SASH1: variants seen among roughly 807,000 people sequenced by gnomAD.
The protein encoded by SASH1 is SAM and SH3 domain-containing protein 1.
Under a neutral mutation model 125.2 loss-of-function variants are expected in SASH1, and 44 were observed. The observed-to-expected ratio is 0.35, with a 90% CI of 0.28 to 0.45. The LOEUF is 0.45. SASH1 is among the 20% of genes least tolerant of loss of function. SASH1 has a pLI of 1.00. For synonymous variants in SASH1, 639 were observed against 649.1 expected (o/e 0.98, Z 0.24); for missense variants, 1,426 against 1,614.5 (o/e 0.88, Z 2.00).
chr6:148,484,554 G>GT (rs548327355), intron 7 of SASH1, among the ~76,000 whole-genome samples: 7,301 of 144,870 alleles, frequency 0.05, 531 homozygotes, highest in African/African-American at 0.16. Flanking sequence ...AATTACATGG[G>GT]TTTTTTTTTT....
At chr6:148,258,105 A>C in the SASH1 span, among the ~76,000 whole-genome samples, 1 of 151,604 alleles carries the variant, frequency 6.6e-6, no homozygotes, top group African/African-American at 2.4e-5. Context: ...TTTTTAAGAG[A>C]TGGGGATCTC....
intron 4 of SASH1, among the ~76,000 whole-genome samples, chr6:148,442,553 C>T (rs1776589120): frequency 6.6e-6 from 1 of 151,984 alleles, no homozygotes; most frequent in Non-Finnish European, 1.5e-5. Context: ...CCCCTGCCCC[C>T]CACATACACC....
At chr6:148,433,774 A>G (rs1776162402) in intron 2 of SASH1, among the ~76,000 whole-genome samples, 1 of 152,070 alleles carries the variant, frequency 6.6e-6, no homozygotes, top group South Asian at 2.1e-4. Flanking sequence ...TTTCTTTAAG[A>G]GTTTGTAATG....
chr6:148,325,012 G>A (rs1780758072), intron 1 of SASH1, among the ~76,000 whole-genome samples: 1 of 152,162 alleles, frequency 6.6e-6, no homozygotes, highest in Non-Finnish European at 1.5e-5. Flanking sequence ...AAAGCCTTAG[G>A]CAATTGTGTT....
chr6:148,308,048 C>G (rs901776897), intron 1 of SASH1, among the ~76,000 whole-genome samples: 3 of 152,020 alleles, frequency 2.0e-5, no homozygotes, highest in African/African-American at 7.2e-5. Flanking sequence ...GTATAACCAG[C>G]CACTGTGTCC....
chr6:148,525,160 G>A (rs943082428), intron 10 of SASH1, 131 bp from the exon 11 acceptor site: 9 of 688,198 alleles, frequency 1.3e-5, no homozygotes, highest in African/African-American at 3.6e-5. Flanking sequence ...ATCATTTCTC[G>A]TTTTCTACTT....
At position 148,548,673 on chromosome 6, in the gene SASH1, G is replaced by T; in HGVS notation, c.*115G>T. The T allele has an allele frequency of 7.8e-7, 1 of 1,283,150 alleles. No individual in the cohort carries two copies. The highest frequency in any genetic ancestry group is 1.5e-5 in the African/African-American group (1 of 67,262). 79.5% of individuals were successfully genotyped at this position (1,283,150 alleles called of 1,614,324 possible). A position where few individuals can be genotyped will look rare whatever the true frequency, so the allele number is the denominator to read the frequency against. ...CAGACCAGATCCAGAAGAAAGGCCT[G>T]GCGTGTGGCCAAACAGCGTGAAACC... On this transcript the variant is annotated 3_prime_UTR_variant, in exon 20 of 20. Transcript: ENST00000367467.
At chr6:148,526,638 T>G (rs970827472) in intron 11 of SASH1, among the ~76,000 whole-genome samples, 1 of 152,192 alleles carries the variant, frequency 6.6e-6, no homozygotes, top group Non-Finnish European at 1.5e-5. Flanking sequence ...AGAAGTTTGT[T>G]TTTTAAAAAA....
chr6:148,542,448 G>A (rs547293922), intron 17 of SASH1, among the ~76,000 whole-genome samples: 6 of 152,134 alleles, frequency 3.9e-5, no homozygotes, highest in East Asian at 3.9e-4. Flanking sequence ...GTGCAGTGGC[G>A]CGATCTTGGC....
intron 17 of SASH1, among the ~76,000 whole-genome samples, chr6:148,541,552 A>AC (rs1782219213): frequency 6.6e-6 from 1 of 152,040 alleles, no homozygotes. Context: ...GTCTCTGTGT[A>AC]CTACATGTTG....
chr6:148,337,521 G>A (rs1402121222), intron 1 of SASH1, among the ~76,000 whole-genome samples: 1 of 152,012 alleles, frequency 6.6e-6, no homozygotes, highest in Non-Finnish European at 1.5e-5. Context: ...ACCATGCCTG[G>A]CCCTTAATTT....
chr6:148,443,492 T>TTTATATATATTTTATA (rs1554257952), intron 4 of SASH1, among the ~76,000 whole-genome samples: 1 of 95,526 alleles, frequency 1.0e-5, no homozygotes, highest in Non-Finnish European at 2.2e-5. Flanking sequence ...TATATATATT[T>TTTATATATATTTTATA]TATATATATG....
intron 1 of SASH1, among the ~76,000 whole-genome samples, chr6:148,314,190 A>G (rs372698684): frequency 6.6e-6 from 1 of 152,172 alleles, no homozygotes. Flanking sequence ...TTATTTTTGT[A>G]ATTCTCACTT....
chr6:148,379,262 C>G (rs1783035845), intron 1 of SASH1, among the ~76,000 whole-genome samples: 3 of 152,114 alleles, frequency 2.0e-5, no homozygotes, highest in Admixed American at 2.0e-4. Flanking sequence ...GCATTCTGAC[C>G]TTTTAGTCAC....
intron 1 of SASH1, among the ~76,000 whole-genome samples, chr6:148,306,051 A>T (rs1466244158): frequency 6.6e-6 from 1 of 152,198 alleles, no homozygotes; most frequent in African/African-American, 2.4e-5. Flanking sequence ...CTATGTATCC[A>T]TAAAAATTCA....
intron 4 of SASH1, among the ~76,000 whole-genome samples, chr6:148,442,713 A>G (rs56174854): frequency 0.16 from 24,289 of 152,112 alleles, 1,981 homozygotes; most frequent in Middle Eastern, 0.21. Flanking sequence ...AGGAAACTTA[A>G]TAACTTTTTC....
chr6:148,459,209 C>T (rs1161979015), intron 4 of SASH1, among the ~76,000 whole-genome samples: 3 of 152,084 alleles, frequency 2.0e-5, no homozygotes, highest in Non-Finnish European at 4.4e-5. Context: ...CCCATGAAGC[C>T]ACAAATGAAG....
chr6:148,455,477 A>G (rs748326546), intron 4 of SASH1, among the ~76,000 whole-genome samples: 2 of 152,100 alleles, frequency 1.3e-5, no homozygotes, highest in African/African-American at 4.8e-5. Context: ...TGCGCTCACA[A>G]CATCAGAAGG....
chr6:148,330,417 G>A (rs1285457413), intron 1 of SASH1, among the ~76,000 whole-genome samples: 3 of 152,264 alleles, frequency 2.0e-5, no homozygotes, highest in African/African-American at 7.2e-5. Flanking sequence ...AAGAGCAAGA[G>A]AGACAGCCAA....
Sources: gnomAD v4.1 joint callset for allele counts (sites outside exome capture counted in the v4.1 genomes callset) on GRCh38, gnomAD v4.1.1 for gene constraint, MANE v1.5 for transcripts, NCBI Gene and HGNC (gene_info 2026-07-23, HGNC 2026-07-21) for gene names.